Variants in LCA5L observed in about 807,000 individuals in gnomAD.
LCA5L encodes the protein lebercilin LCA5 like.
LCA5L carries 35 observed loss-of-function variants against 45.4 expected under a neutral mutation model. The observed-to-expected ratio is 0.77, with a 90% CI of 0.59 to 1.02. The LOEUF (loss-of-function observed/expected upper bound fraction) is 1.02. LCA5L is among the 50% of genes least tolerant of loss of function. The pLI, the probability that LCA5L is intolerant of heterozygous loss-of-function variation, is 0.00. For missense variants in LCA5L, 668 were observed against 761.6 expected (o/e 0.88, Z 1.45); for synonymous variants, 233 against 264.7 (o/e 0.88, Z 1.16).
At chr21:39,426,237 G>T (rs2065313) in intron 5 of LCA5L, among the ~76,000 whole-genome samples, 34,753 of 152,012 alleles carry the variant, frequency 0.23, 4,458 homozygotes, top group African/African-American at 0.35. Context: ...TTGCATTTGA[G>T]GGGTATGTAA....
At chr21:39,426,480 A>G (rs1327019732) in intron 5 of LCA5L, among the ~76,000 whole-genome samples, 1 of 152,170 alleles carries the variant, frequency 6.6e-6, no homozygotes, top group African/African-American at 2.4e-5. Flanking sequence ...TTGGAACCAG[A>G]CTGTTTCAGA....
At position 39,428,520 on chromosome 21, in the gene LCA5L, A is replaced by G. The variant is rs1190557840; in HGVS notation, c.-10-17T>C. The G allele has an allele frequency of 7.4e-7, 1 of 1,350,312 alleles. No homozygotes were observed. The highest frequency in any genetic ancestry group is 2.7e-5 in the Admixed American group (1 of 36,970). 83.6% of individuals were successfully genotyped at this position (1,350,312 alleles called of 1,614,324 possible). A position where few individuals can be genotyped will look rare whatever the true frequency, so the allele number is the denominator to read the frequency against. ...GCAAACAACCTAATAAAAGAAAAGTAAAACCTAATAAAAGTATTTTTGAAT... is the reference window on the plus strand; with the variant it reads ...GCAAACAACCTAATAAAAGAAAAGTGAAACCTAATAAAAGTATTTTTGAAT... On this transcript the variant is annotated splice_polypyrimidine_tract_variant and intron_variant, in intron 4 of 10. Transcript: ENST00000288350.
In LCA5L at chr21:39,409,200, G is replaced by A. The variant is rs1203884515; in HGVS notation, c.1282+779C>T. 1.3e-5 allele frequency among the ~76,000 whole-genome samples: 2 copies of A among 152,096 alleles called. No individual in the cohort carries two copies. The highest frequency in any genetic ancestry group is 2.9e-5 in the Non-Finnish European group (2 of 68,024). ...CTCCTCGTGCGAGCACTAAGGAAAC[G>A]CCACATGAAGACATAGTGAGAAGCG... On this transcript the variant is annotated intron_variant, in intron 10 of 10. Transcript: ENST00000288350. This position sits in a 1 kb window ranked among gnomAD's most constrained non-coding sequence, Gnocchi z 4.2.
intron 3 of LCA5L, among the ~76,000 whole-genome samples, chr21:39,434,144 T>A (rs1203641031): frequency 1.3e-5 from 2 of 152,210 alleles, no homozygotes; most frequent in Non-Finnish European, 2.9e-5. Context: ...CACCTGGCAC[T>A]GTGTGAGTTC....
intron 7 of LCA5L, among the ~76,000 whole-genome samples, chr21:39,418,677 T>C (rs2041739082): frequency 6.6e-6 from 1 of 152,058 alleles, no homozygotes; most frequent in Non-Finnish European, 1.5e-5. Flanking sequence ...TTTTTGTATT[T>C]TTAGTAGAGA....
intron 3 of LCA5L, among the ~76,000 whole-genome samples, chr21:39,433,570 A>G (rs543697870): frequency 6.6e-6 from 1 of 152,058 alleles, no homozygotes; most frequent in African/African-American, 2.4e-5. Flanking sequence ...ATTAAAATTC[A>G]TTTTTTGGTA....
Position 39,409,296 on chromosome 21 carries a change from G to T in LCA5L, c.1282+683C>A, listed in dbSNP as rs1478114603. Among the ~76,000 whole-genome samples, 4 of 152,232 alleles carry T rather than the reference G, an allele frequency of 2.6e-5. No homozygotes were observed. The East Asian group carries it at 7.7e-4, about 29-fold the overall frequency. On this transcript the variant is annotated intron_variant, in intron 10 of 10. Coordinates refer to ENST00000288350, the MANE Select transcript of LCA5L (RefSeq NM_152505.4). This position sits in a 1 kb window ranked among gnomAD's most constrained non-coding sequence, Gnocchi z 4.2. ...TAGAACCTTGATCTCGGACTTCCTA[G>T]CCTCCAGAACCATGAGAAAATAAAT...
intron 7 of LCA5L, among the ~76,000 whole-genome samples, chr21:39,418,841 T>C (rs1391817976): frequency 2.0e-5 from 3 of 152,156 alleles, no homozygotes; most frequent in African/African-American, 7.2e-5. Flanking sequence ...CATATTCATA[T>C]GTCTGCATGA....
intron 5 of LCA5L, among the ~76,000 whole-genome samples, chr21:39,425,578 G>A (rs748121607): frequency 3.9e-5 from 6 of 152,300 alleles, no homozygotes; most frequent in South Asian, 2.1e-4. Flanking sequence ...GAAGGCCTGC[G>A]AAGAGGTGTC....
chr21:39,414,713 C>CT (rs2040742196), intron 7 of LCA5L, among the ~76,000 whole-genome samples: 5 of 119,880 alleles, frequency 4.2e-5, no homozygotes, highest in Non-Finnish European at 1.7e-5. Context: ...TGGTTCTCTC[C>CT]CTCTCTCTCT....
intron 2 of LCA5L, among the ~76,000 whole-genome samples, chr21:39,442,324 G>A (rs895946254): frequency 4.6e-5 from 7 of 152,310 alleles, no homozygotes; most frequent in Admixed American, 1.3e-4. Flanking sequence ...AGACGCAGGC[G>A]GGGGTGAACA....
At chr21:39,434,785 T>G (rs2076132287) in intron 3 of LCA5L, among the ~76,000 whole-genome samples, 1 of 152,198 alleles carries the variant, frequency 6.6e-6, no homozygotes, top group African/African-American at 2.4e-5. Flanking sequence ...CTCAAAGTGC[T>G]AGGATTACAG....
At chr21:39,417,921 A>G (rs1006345261) in intron 7 of LCA5L, among the ~76,000 whole-genome samples, 1 of 152,084 alleles carries the variant, frequency 6.6e-6, no homozygotes, top group African/African-American at 2.4e-5. Context: ...GCCCGCCACC[A>G]TGCCTGGTTA....
Position 39,405,826 on chromosome 21 carries a change from CA to C in LCA5L, c.*55del. 1.5e-6 allele frequency: 2 copies of C among 1,299,428 alleles called. No individual in the cohort carries two copies. The highest frequency in any genetic ancestry group is 2.7e-4 in the Middle Eastern group (1 of 3,742). The allele number at this position is 1,299,428 out of a possible 1,614,324, so 80.5% of individuals were successfully genotyped here. Reference sequence around the variant, plus strand: ...TCTCACACATTTCAAAAATAAGATGCAAGGCACATAAGCAGCATTATATCAA... The same window carrying C: ...TCTCACACATTTCAAAAATAAGATGCAGGCACATAAGCAGCATTATATCAA... On this transcript the variant is annotated 3_prime_UTR_variant, in exon 11 of 11. Coordinates refer to ENST00000288350, the MANE Select transcript of LCA5L (RefSeq NM_152505.4).
At chr21:39,432,793 C>T (rs2075874041) in intron 3 of LCA5L, among the ~76,000 whole-genome samples, 1 of 152,168 alleles carries the variant, frequency 6.6e-6, no homozygotes, top group Admixed American at 6.5e-5. Flanking sequence ...TGGCTTCTTT[C>T]ACTCAGCATT....
chr21:39,442,556 T>G (rs566847404), intron 2 of LCA5L, among the ~76,000 whole-genome samples: 4 of 152,188 alleles, frequency 2.6e-5, no homozygotes, highest in Admixed American at 2.6e-4. Context: ...GGTGGTGGTT[T>G]GCACTTGGGT....
intron 10 of LCA5L, among the ~76,000 whole-genome samples, chr21:39,408,336 G>C (rs1047698155): frequency 6.6e-6 from 1 of 152,206 alleles, no homozygotes; most frequent in Non-Finnish European, 1.5e-5. Flanking sequence ...GCTAGTGAAG[G>C]TTGTGCTCTT....
chr21:39,411,587 A>G, intron 8 of LCA5L, 131 bp downstream of exon 8: 1 of 489,054 alleles, frequency 2.0e-6, no homozygotes, highest in Non-Finnish European at 3.7e-6. Flanking sequence ...TTATTCTTCT[A>G]GAATCACAAA....
At chr21:39,424,835 CAGTT>C (rs879576160) in intron 5 of LCA5L, among the ~76,000 whole-genome samples, 19 of 152,340 alleles carry the variant, frequency 1.2e-4, no homozygotes, top group Admixed American at 1.1e-3. Flanking sequence ...TAAAAATTAT[CAGTT>C]AGCACCAAAC....
Sources: allele counts gnomAD v4.1 joint callset (sites outside exome capture counted in the v4.1 genomes callset), GRCh38; gene constraint gnomAD v4.1.1; non-coding constraint Gnocchi (gnomAD v3.1); transcripts MANE v1.5; gene names NCBI Gene and HGNC (gene_info 2026-07-23, HGNC 2026-07-21).